Variants in ZNF362 observed in about 807,000 individuals in gnomAD.
ZNF362 encodes the protein zinc finger protein 362, also known as rotund homolog.
A neutral mutation model predicts 42.9 loss-of-function variants in ZNF362; 11 were observed. That is an observed-to-expected ratio of 0.26 (90% CI 0.16 to 0.42). The LOEUF is 0.42. Among genes scored for constraint, ZNF362 ranks in the 20% least tolerant of loss-of-function variants. The pLI is 1.00. For synonymous variants in ZNF362, 255 were observed against 257.3 expected (o/e 0.99, Z 0.09); for missense variants, 362 against 576.2 (o/e 0.63, Z 3.81).
intron 1 of ZNF362, among the ~76,000 whole-genome samples, chr1:33,262,236 C>G (rs1272842180): frequency 2.0e-5 from 3 of 148,030 alleles, no homozygotes; most frequent in Non-Finnish European, 4.4e-5. Flanking sequence ...CAAGGGTACT[C>G]TTGGTGGGGT....
chr1:33,133,687 G>A, the ZNF362 span, among the ~76,000 whole-genome samples: 1 of 152,220 alleles, frequency 6.6e-6, no homozygotes, highest in African/African-American at 2.4e-5. Context: ...GTTAGGGCAA[G>A]GGCAGTGGAC....
At chr1:33,179,968 G>A in the ZNF362 span, among the ~76,000 whole-genome samples, 1 of 152,136 alleles carries the variant, frequency 6.6e-6, no homozygotes, top group South Asian at 2.1e-4. Flanking sequence ...AGAGCATTTG[G>A]GGAAATGCAG....
chr1:33,277,073 G>C (rs750695351), intron 4 of ZNF362, among the ~76,000 whole-genome samples: 2 of 152,252 alleles, frequency 1.3e-5, no homozygotes, highest in Non-Finnish European at 2.9e-5. Flanking sequence ...CAGACCGTCT[G>C]GGGTGGGGAG....
chr1:33,274,125 G>A (rs1434877428), intron 2 of ZNF362, among the ~76,000 whole-genome samples: 1 of 152,146 alleles, frequency 6.6e-6, no homozygotes, highest in African/African-American at 2.4e-5. Flanking sequence ...CTGTGGGGTC[G>A]CAGCCGTGTC....
the ZNF362 span, among the ~76,000 whole-genome samples, chr1:33,211,488 A>G: frequency 6.6e-6 from 1 of 152,136 alleles, no homozygotes; most frequent in Non-Finnish European, 1.5e-5. Flanking sequence ...TTTCTCCTTC[A>G]TTTATGAAGC....
At chr1:33,238,381 T>TAAAATAATAAAATAAAATAAATA in the ZNF362 span, among the ~76,000 whole-genome samples, 1 of 105,528 alleles carries the variant, frequency 9.5e-6, no homozygotes, top group Non-Finnish European at 2.0e-5. Flanking sequence ...TAAAATAAAA[T>TAAAATAATAAAATAAAATAAATA]AAATAAAATA....
At chr1:33,130,800 G>A in the ZNF362 span, among the ~76,000 whole-genome samples, 2 of 152,234 alleles carry the variant, frequency 1.3e-5, no homozygotes, top group Non-Finnish European at 2.9e-5. Flanking sequence ...GGAGAGGGTG[G>A]TGGTTGTAGG....
At chr1:33,270,154 G>C (rs1645891356) in intron 1 of ZNF362, among the ~76,000 whole-genome samples, 1 of 152,194 alleles carries the variant, frequency 6.6e-6, no homozygotes, top group African/African-American at 2.4e-5. Flanking sequence ...CCTTGGGCTA[G>C]AGGCTGGCAG....
At chr1:33,242,939 G>A in the ZNF362 span, among the ~76,000 whole-genome samples, 1 of 152,166 alleles carries the variant, frequency 6.6e-6, no homozygotes, top group African/African-American at 2.4e-5. Context: ...AGTAGGAGGT[G>A]GAGGGAGGAA....
chr1:33,193,988 G>A, the ZNF362 span, among the ~76,000 whole-genome samples: 1 of 152,080 alleles, frequency 6.6e-6, no homozygotes, highest in Non-Finnish European at 1.5e-5. Flanking sequence ...AACAACCTGA[G>A]AAATTTTAAT....
chr1:33,299,227 A>G lies in ZNF362; in HGVS notation c.*181A>G. The G allele has an allele frequency of 1.7e-6, 1 of 585,668 alleles. No individual in the cohort carries two copies. The allele number at this position is 585,668 out of a possible 1,614,324, so 36.3% of individuals were successfully genotyped here. A position where few individuals can be genotyped will look rare whatever the true frequency, so the allele number is the denominator to read the frequency against. On this transcript the variant is annotated 3_prime_UTR_variant, in exon 9 of 9. Transcript: ENST00000539719. The stretch of plus-strand genomic sequence containing the variant: ...GTCCAGTCCGGGGGCGGCCAGGCCA[A>G]CTGCAAGATTCTGGACTGTTTTGGT...
the ZNF362 span, among the ~76,000 whole-genome samples, chr1:33,148,756 T>C: frequency 1.3e-5 from 2 of 152,298 alleles, no homozygotes; most frequent in Middle Eastern, 3.4e-3. Context: ...CTTTGAGATA[T>C]TACACATGAT....
chr1:33,268,830 A>G (rs1645881748), intron 1 of ZNF362, among the ~76,000 whole-genome samples: 1 of 152,236 alleles, frequency 6.6e-6, no homozygotes, highest in African/African-American at 2.4e-5. Flanking sequence ...TCTGGAGGGA[A>G]GTAGGGAGCT....
At chr1:33,147,246 GAAGT>G in the ZNF362 span, 28 of 1,614,076 alleles carry the variant, frequency 1.7e-5, no homozygotes, top group Admixed American at 3.2e-4. This position sits in a 1 kb window ranked among gnomAD's most constrained non-coding sequence, Gnocchi z 8.1. Flanking sequence ...GGCCAGGGCT[GAAGT>G]AAGAGCAGAG....
At position 33,290,634 on chromosome 1, in the gene ZNF362, G is replaced by A. The variant is rs1278253954; in HGVS notation, c.909-4303G>A. Among the ~76,000 whole-genome samples, 4 of 151,338 alleles carry A rather than the reference G, an allele frequency of 2.6e-5. No individual in the cohort carries two copies. The East Asian group carries it at 7.7e-4, about 29-fold the overall frequency. On this transcript the variant is annotated intron_variant, in intron 6 of 8. Coordinates refer to ENST00000539719, the MANE Select transcript of ZNF362 (RefSeq NM_152493.3). ...TCTAGTTCTAGATCTCTGAGGAATC[G>A]CCACACTGACTTCCACAATGGTTGA...
the ZNF362 span, among the ~76,000 whole-genome samples, chr1:33,225,339 T>G: frequency 2.0e-5 from 3 of 152,316 alleles, no homozygotes; most frequent in South Asian, 6.2e-4. Context: ...TATTACCTTC[T>G]GACATATTAT....
In ZNF362 at chr1:33,299,152, C is replaced by T. The variant is rs1003887731; in HGVS notation, c.*106C>T. The T allele has an allele frequency of 1.9e-5, 16 of 823,216 alleles. No homozygotes were observed. Among genetic ancestry groups the T allele is most frequent in the South Asian group, 6.1e-5 (4 of 66,030 alleles). The allele number at this position is 823,216 out of a possible 1,614,324, so 51.0% of individuals were successfully genotyped here. On this transcript the variant is annotated 3_prime_UTR_variant, in exon 9 of 9. Transcript: ENST00000539719. ...CCCTCCAGGAACCACCAAGCTCTCT[C>T]ACGACCTTCCCAATCTTCCAGAAAG...
At chr1:33,255,209 G>C (rs1645778866), upstream of ZNF362, among the ~76,000 whole-genome samples, 1 of 152,238 alleles carries the variant, frequency 6.6e-6, no homozygotes, top group South Asian at 2.1e-4. Context: ...ATCTTCGTGA[G>C]GGCAGGGGCA....
At chr1:33,159,454 A>G in the ZNF362 span, among the ~76,000 whole-genome samples, 2 of 152,112 alleles carry the variant, frequency 1.3e-5, no homozygotes, top group African/African-American at 4.8e-5. This position sits in a 1 kb window ranked among gnomAD's most constrained non-coding sequence, Gnocchi z 4.2. Flanking sequence ...TGCCCTCTAG[A>G]TGGTTTTCAA....
Sources: gnomAD v4.1 joint callset for allele counts (sites outside exome capture counted in the v4.1 genomes callset) on GRCh38, gnomAD v4.1.1 for gene constraint, Gnocchi (gnomAD v3.1) non-coding constraint, MANE v1.5 for transcripts, NCBI Gene and HGNC (gene_info 2026-07-23, HGNC 2026-07-21) for gene names.